The following PCDH9 variants were observed in gnomAD, a reference collection of about 807,000 sequenced individuals.
PCDH9 encodes protocadherin 9.
Under a neutral mutation model 70.6 loss-of-function variants are expected in PCDH9, and 24 were observed. The observed-to-expected ratio is 0.34, with a 90% CI of 0.25 to 0.48. PCDH9 has a LOEUF of 0.48. Among genes scored for constraint, PCDH9 ranks in the 20% least tolerant of loss-of-function variants. The pLI is 0.99. For missense variants in PCDH9, 1,281 were observed against 1,503.6 expected, an observed-to-expected ratio of 0.85 and a Z score of 2.45; for synonymous variants, 562 against 558.5, an observed-to-expected ratio of 1.01 and a Z score of -0.09.
intron 2 of PCDH9, among the ~76,000 whole-genome samples, chr13:67,134,699 A>G (rs2087188776): frequency 6.6e-6 from 1 of 152,114 alleles, no homozygotes; most frequent in Admixed American, 6.6e-5. Flanking sequence ...AAATACTGCC[A>G]AACAGCAGCA....
chr13:67,161,856 G>A (rs1399486701), intron 2 of PCDH9, among the ~76,000 whole-genome samples: 4 of 152,124 alleles, frequency 2.6e-5, no homozygotes, highest in African/African-American at 7.2e-5. Flanking sequence ...TATTATAATA[G>A]TAGCAACGAC....
intron 4 of PCDH9, among the ~76,000 whole-genome samples, chr13:66,575,744 G>A (rs989015374): frequency 5.9e-5 from 9 of 151,826 alleles, no homozygotes; most frequent in Non-Finnish European, 1.3e-4. Flanking sequence ...ACTATATCAC[G>A]TTATATCAAG....
intron 2 of PCDH9, among the ~76,000 whole-genome samples, chr13:66,960,444 T>C (rs2083328102): frequency 6.6e-6 from 1 of 152,076 alleles, no homozygotes; most frequent in Admixed American, 6.6e-5. Flanking sequence ...CTATAAAAAA[T>C]TCATGATGGA....
rs190649680 is a variant in PCDH9, at chr13:66,748,299, G to A, written c.3139-116888C>T. Among the ~76,000 whole-genome samples, 312 of 152,276 alleles carry A rather than the reference G, an allele frequency of 2.0e-3. 1 individual carries two copies. The highest frequency in any genetic ancestry group is 6.8e-3 in the Middle Eastern group (2 of 294). On this transcript the variant is annotated intron_variant, in intron 3 of 4. Transcript: ENST00000377865. ...GTTATTGTTGAGATAACTTTAATGA[G>A]ATAAATTTTATTTCATGTGTACCTT...
intron 3 of PCDH9, among the ~76,000 whole-genome samples, chr13:66,865,104 CATAAA>C (rs920563009): frequency 2.1e-4 from 32 of 152,126 alleles, no homozygotes; most frequent in African/African-American, 7.5e-4. Flanking sequence ...GTTTTTGCTT[CATAAA>C]ATAAAGTTTT....
At chr13:67,150,915 C>G (rs2087641514) in intron 2 of PCDH9, among the ~76,000 whole-genome samples, 1 of 152,160 alleles carries the variant, frequency 6.6e-6, no homozygotes, top group African/African-American at 2.4e-5. Flanking sequence ...TCTTGTTTAA[C>G]CAACTTTGTA....
At chr13:67,039,292 G>A (rs2085066463) in intron 2 of PCDH9, among the ~76,000 whole-genome samples, 1 of 152,142 alleles carries the variant, frequency 6.6e-6, no homozygotes, top group East Asian at 1.9e-4. Flanking sequence ...ACCACAGGCA[G>A]AACCTAAGTA....
intron 4 of PCDH9, among the ~76,000 whole-genome samples, chr13:66,396,805 G>A (rs975648484): frequency 6.6e-6 from 1 of 152,098 alleles, no homozygotes; most frequent in Non-Finnish European, 1.5e-5. Context: ...GGACATAAAA[G>A]CTTTCAGTTG....
intron 2 of PCDH9, among the ~76,000 whole-genome samples, chr13:67,097,078 T>C (rs1414079985): frequency 7.3e-6 from 1 of 137,616 alleles, no homozygotes; most frequent in Non-Finnish European, 1.6e-5. Context: ...AAACCCTATC[T>C]CTACAGAAAA....
At chr13:66,475,074 A>C (rs1958695607) in intron 4 of PCDH9, among the ~76,000 whole-genome samples, 1 of 152,116 alleles carries the variant, frequency 6.6e-6, no homozygotes, top group Admixed American at 6.6e-5. Flanking sequence ...GACTGGTAGA[A>C]GAGATTAGTT....
chr13:66,685,322 C>A (rs551321857), intron 3 of PCDH9, among the ~76,000 whole-genome samples: 152 of 152,364 alleles, frequency 1.0e-3, no homozygotes, highest in African/African-American at 3.5e-3. Flanking sequence ...TCAGAGGGTG[C>A]AAGCCCCAAG....
intron 3 of PCDH9, among the ~76,000 whole-genome samples, chr13:66,808,682 C>T (rs776681255): frequency 6.6e-6 from 1 of 152,094 alleles, no homozygotes; most frequent in Non-Finnish European, 1.5e-5. Flanking sequence ...GCTAATTGAT[C>T]ACAGGAGTGA....
At chr13:66,787,124 T>C (rs2080092221) in intron 3 of PCDH9, among the ~76,000 whole-genome samples, 1 of 152,196 alleles carries the variant, frequency 6.6e-6, no homozygotes, top group South Asian at 2.1e-4. Context: ...TCTGCACTTA[T>C]TTTTGTGTGC....
At chr13:66,692,338 C>T (rs960195665) in intron 3 of PCDH9, among the ~76,000 whole-genome samples, 2 of 151,936 alleles carry the variant, frequency 1.3e-5, no homozygotes, top group African/African-American at 4.8e-5. Flanking sequence ...TGGACTGAAG[C>T]ATCATATTTG....
intron 3 of PCDH9, among the ~76,000 whole-genome samples, chr13:66,770,156 C>T (rs561281042): frequency 6.6e-6 from 1 of 152,044 alleles, no homozygotes; most frequent in Non-Finnish European, 1.5e-5. Flanking sequence ...TAAATTATTA[C>T]TATAGATAGA....
At position 67,160,419 on chromosome 13, in the gene PCDH9, C is replaced by T. The variant is rs146099872; in HGVS notation, c.3036+64986G>A. Among the ~76,000 whole-genome samples the T allele has an allele frequency of 9.6e-3, 1,466 of 152,040 alleles. 17 individuals carry two copies. Among genetic ancestry groups the T allele is most frequent in the African/African-American group, 0.033 (1,365 of 41,478 alleles). On this transcript the variant is annotated intron_variant, in intron 2 of 4. Transcript: ENST00000377865. ...AAAATTAGCCGGGCGTGGTGGCGGG[C>T]GCCTGTAGTCCCAGCTATTCGGGAG...
intron 4 of PCDH9, among the ~76,000 whole-genome samples, chr13:66,372,145 A>C (rs182959406): frequency 9.2e-5 from 14 of 152,058 alleles, no homozygotes; most frequent in African/African-American, 3.4e-4. Context: ...TGAAAAGATG[A>C]AAACACATGC....
chr13:67,010,004 A>G (rs1566360529), intron 2 of PCDH9, among the ~76,000 whole-genome samples: 1 of 152,004 alleles, frequency 6.6e-6, no homozygotes, highest in South Asian at 2.1e-4. Flanking sequence ...ACCAAACTAC[A>G]TATCTGCTAA....
At chr13:66,725,628 G>C (rs973714764) in intron 3 of PCDH9, among the ~76,000 whole-genome samples, 12 of 152,092 alleles carry the variant, frequency 7.9e-5, no homozygotes, top group Non-Finnish European at 1.8e-4. Context: ...TTTCAAAAGA[G>C]AGTATAATCA....
Sources: gnomAD v4.1 joint callset for allele counts (sites outside exome capture counted in the v4.1 genomes callset) on GRCh38, gnomAD v4.1.1 for gene constraint, MANE v1.5 for transcripts, NCBI Gene and HGNC (gene_info 2026-07-23, HGNC 2026-07-21) for gene names.